ATG16L2: variants seen among roughly 807,000 people sequenced by gnomAD.
ATG16L2 encodes autophagy related 16 like 2.
ATG16L2 carries 77 observed loss-of-function variants against 84.7 expected under a neutral mutation model. That is an observed-to-expected ratio of 0.91 (90% CI 0.76 to 1.10). The LOEUF (loss-of-function observed/expected upper bound fraction) is 1.10. Ranked by LOEUF, ATG16L2 falls within the 50% of genes least tolerant of loss-of-function variation. The pLI is 0.00. For missense variants in ATG16L2, 782 were observed against 817.6 expected, an observed-to-expected ratio of 0.96 and a Z score of 0.53; for synonymous variants, 361 against 342.8, an observed-to-expected ratio of 1.05 and a Z score of -0.59.
rs1160850006 is a variant in ATG16L2 at position 72,822,525 on chromosome 11, G to A, written c.692G>A (p.Arg231Gln). 2 of 1,612,886 alleles carry A rather than the reference G, an allele frequency of 1.2e-6. No individual in the cohort carries two copies. Among genetic ancestry groups the A allele is most frequent in the East Asian group, 2.2e-5 (1 of 44,836 alleles). Reference protein sequence around the residue: ...VSQELKKAAKRTVSISEGPDT... With the variant: ...VSQELKKAAKQTVSISEGPDT... ...CAGGAGCTGAAGAAGGCTGCCAAGC[G>A]GACCGTGAGCATCAGCGAGTAAGAG... The change falls in exon 6 of 18, where the codon CGG (arginine) becomes CAG (glutamine). Residue 231 changes from arginine to glutamine, a missense_variant. Transcript: ENST00000321297. This position sits in a 1 kb window ranked among gnomAD's most constrained non-coding sequence, Gnocchi z 4.2.
Position 72,816,846 on chromosome 11 carries a change from G to A in ATG16L2, c.218+19G>A, listed in dbSNP as rs938173366. 10 of 1,606,168 alleles carry A rather than the reference G, an allele frequency of 6.2e-6. No individual in the cohort carries two copies. Among genetic ancestry groups the A allele is most frequent in the African/African-American group, 2.7e-5 (2 of 74,876 alleles). ...GCCCCTGGTAAGTGTATGTGGGTCC[G>A]TGGTCACAAAGGGCTGCCTGTGCTG... On this transcript the variant is annotated intron_variant, in intron 2 of 17. Coordinates refer to ENST00000321297, the MANE Select transcript of ATG16L2 (RefSeq NM_033388.2).
At chr11:72,828,650 A>C (rs1860502562) in intron 15 of ATG16L2, 79 bp from the exon 16 acceptor site, 1 of 1,599,916 alleles carries the variant, frequency 6.3e-7, no homozygotes, top group African/African-American at 1.3e-5. Context: ...CTCGACAAAG[A>C]GGAAGCTCTG....
At position 72,827,272 on chromosome 11, in the gene ATG16L2, A is replaced by C; in HGVS notation, c.1451A>C (p.Lys484Thr). 6.2e-7 allele frequency: 1 copy of C among 1,613,954 alleles called. No homozygotes were observed. The highest frequency in any genetic ancestry group is 8.5e-7 in the Non-Finnish European group (1 of 1,179,906). The change falls in exon 14 of 18, where the codon AAG (lysine) becomes ACG (threonine). Residue 484 changes from lysine (K) to threonine (T), a missense_variant. By Grantham distance (78) the Lys-to-Thr change is moderately conservative (BLOSUM62 -1). Coordinates refer to ENST00000321297, the MANE Select transcript of ATG16L2 (RefSeq NM_033388.2). Reference protein sequence around the residue: ...HIIISGHNDQKIRFWDSRGPH... With the variant: ...HIIISGHNDQTIRFWDSRGPH... The stretch of plus-strand genomic sequence containing the variant: ...ATCATTAGTGGCCACAATGACCAGA[A>C]GATCCGGTTCTGGGACAGCAGGTGA...
At position 72,822,019 on chromosome 11, in the gene ATG16L2, G is replaced by A. The variant is rs551615367; in HGVS notation, c.393-25G>A. ...CAGTGACGGGGGAAGCTTGGGACCC[G>A]CTATCCGCTCTTTCCGTCCTCCAGG... On this transcript the variant is annotated intron_variant, in intron 4 of 17. Coordinates refer to ENST00000321297, the MANE Select transcript of ATG16L2 (RefSeq NM_033388.2). The surrounding 1 kb of genome is among the most constrained non-coding windows in gnomAD (Gnocchi z 4.2). 1.1e-5 allele frequency: 16 copies of A among 1,484,272 alleles called. No homozygotes were observed. The highest frequency in any genetic ancestry group is 1.4e-5 in the African/African-American group (1 of 69,454). The allele number at this position is 1,484,272 out of a possible 1,614,324, so 91.9% of individuals were successfully genotyped here.
intron 14 of ATG16L2, 73 bp from the exon 15 acceptor site, chr11:72,828,286 C>T (rs200160307): frequency 7.1e-6 from 11 of 1,558,514 alleles, no homozygotes; most frequent in South Asian, 2.3e-5. Flanking sequence ...AAGGCTGCTG[C>T]GCCTGGCCCC....
chr11:72,835,248 TC>T, intron 5 of ATG16L2, among the ~76,000 whole-genome samples: 1 of 152,320 alleles, frequency 6.6e-6, no homozygotes, highest in East Asian at 1.9e-4. Flanking sequence ...TGACAGCCCT[TC>T]CCACATTTTT....
At chr11:72,827,419 C>G (rs1043780895) in intron 14 of ATG16L2, 126 bp downstream of exon 14, 5 of 739,030 alleles carry the variant, frequency 6.8e-6, no homozygotes, top group Non-Finnish European at 1.1e-5. Context: ...GGCTGTGGGG[C>G]TGGCACTGCC....
In ATG16L2 at chr11:72,819,947, A is replaced by G. The variant is rs531458254; in HGVS notation, c.319-1721A>G. Among the ~76,000 whole-genome samples the G allele has an allele frequency of 1.1e-3, 166 of 152,160 alleles. 1 individual carries two copies. Among genetic ancestry groups the G allele is most frequent in the Middle Eastern group, 3.4e-3 (1 of 294 alleles). On this transcript the variant is annotated intron_variant, in intron 3 of 17. Coordinates refer to ENST00000321297, the MANE Select transcript of ATG16L2 (RefSeq NM_033388.2). The stretch of plus-strand genomic sequence containing the variant: ...TTTTTAGTAGAGATGGGGTTTCACC[A>G]TGTTAGCTAGGATGGTTTTGATCTC...
chr11:72,836,810 TAAAG>T (rs1227566867), intron 5 of ATG16L2: 1 of 152,620 alleles, frequency 6.6e-6, no homozygotes, highest in Non-Finnish European at 1.5e-5. Context: ...ACAGCCACTG[TAAAG>T]AAAGCACATC....
downstream of ATG16L2, among the ~76,000 whole-genome samples, chr11:72,830,788 T>TATTCATTC (rs111478080): frequency 9.2e-3 from 1,399 of 151,954 alleles, 14 homozygotes; most frequent in Non-Finnish European, 0.014. Flanking sequence ...ATTTCCTTGC[T>TATTCATTC]ATTCATTCAT....
At position 72,822,512 on chromosome 11, in the gene ATG16L2, A is replaced by G. The variant is rs759253273; in HGVS notation, c.679A>G (p.Lys227Glu). 17 of 1,612,868 alleles carry G rather than the reference A, an allele frequency of 1.1e-5. No individual in the cohort carries two copies. The African/African-American group carries it at 1.5e-4, about 14-fold the overall frequency. The change falls in exon 6 of 18, where the codon AAG becomes GAG. Residue 227 changes from lysine to glutamate, a missense_variant. Coordinates refer to ENST00000321297, the MANE Select transcript of ATG16L2 (RefSeq NM_033388.2). This position sits in a 1 kb window ranked among gnomAD's most constrained non-coding sequence, Gnocchi z 4.2. ...GGCGCGGGTGTCCCAGGAGCTGAAG[A>G]AGGCTGCCAAGCGGACCGTGAGCAT... ...KQARVSQELKKAAKRTVSISE... is the reference protein window; with the variant it reads ...KQARVSQELKEAAKRTVSISE...
intron 5 of ATG16L2, chr11:72,840,863 G>C: frequency 6.3e-7 from 1 of 1,579,712 alleles, no homozygotes; most frequent in South Asian, 1.1e-5. Context: ...AATCCTGCAA[G>C]ATCAGAGACT....
Position 72,829,393 on chromosome 11 carries a change from C to T in ATG16L2, c.*3C>T. 6.2e-7 allele frequency: 1 copy of T among 1,608,440 alleles called. No homozygotes were observed. Among genetic ancestry groups the T allele is most frequent in the Non-Finnish European group, 8.5e-7 (1 of 1,177,362 alleles). On this transcript the variant is annotated 3_prime_UTR_variant, in exon 18 of 18. Coordinates refer to ENST00000321297, the MANE Select transcript of ATG16L2 (RefSeq NM_033388.2). ...GGAAGGTTGTGCTCTGGCAGTAGGG[C>T]CACGACCTGCCTGCCTGGGCTGGAG...
chr11:72,827,014 C>T, intron 13 of ATG16L2, 174 bp from the exon 14 acceptor site: 1 of 871,712 alleles, frequency 1.1e-6, no homozygotes, highest in Non-Finnish European at 1.7e-6. Flanking sequence ...TCTTGGTGAC[C>T]TCAGGCTGTG....
In ATG16L2 at chr11:72,824,139, C is replaced by T. The variant is rs1565266903; in HGVS notation, c.887+17C>T. On this transcript the variant is annotated intron_variant, in intron 8 of 17. Transcript: ENST00000321297. ...GCTTCTGGAGTAAGTGTGTGTGTGC[C>T]TGTGTGTGCACCCACGTGTGTGTCG... 1.2e-6 allele frequency: 2 copies of T among 1,614,084 alleles called. No individual in the cohort carries two copies. Among genetic ancestry groups the T allele is most frequent in the South Asian group, 1.1e-5 (1 of 91,074 alleles).
At chr11:72,830,635 C>A (rs551420514), downstream of ATG16L2, among the ~76,000 whole-genome samples, 358 of 152,334 alleles carry the variant, frequency 2.4e-3, no homozygotes, top group Non-Finnish European at 4.6e-3. Context: ...ATGCTCGGCC[C>A]AACAGGGTGA....
intron 7 of ATG16L2, chr11:72,823,793 T>C (rs911045965): frequency 1.7e-6 from 1 of 584,276 alleles, no homozygotes; most frequent in Non-Finnish European, 3.2e-6. Context: ...CAGGAACTTT[T>C]GTTGGTGGGT....
intron 5 of ATG16L2, among the ~76,000 whole-genome samples, chr11:72,839,550 G>A (rs1293742549): frequency 6.6e-6 from 1 of 152,140 alleles, no homozygotes; most frequent in Non-Finnish European, 1.5e-5. Context: ...AGATTTGCGA[G>A]CTCTCTGCAA....
At chr11:72,825,637 T>C (rs1860304046) in intron 10 of ATG16L2, among the ~76,000 whole-genome samples, 1 of 152,144 alleles carries the variant, frequency 6.6e-6, no homozygotes, top group South Asian at 2.1e-4. Flanking sequence ...TGGGGAGGGC[T>C]GAGTTCAGAT....
Sources: gnomAD v4.1 joint callset for allele counts (sites outside exome capture counted in the v4.1 genomes callset) on GRCh38, gnomAD v4.1.1 for gene constraint, Gnocchi (gnomAD v3.1) non-coding constraint, MANE v1.5 for transcripts, NCBI Gene and HGNC (gene_info 2026-07-23, HGNC 2026-07-21) for gene names.